The following SCML4 variants were observed in gnomAD, a reference collection of about 807,000 sequenced individuals.
The protein encoded by SCML4 is sex comb on midleg-like protein 4.
Under a neutral mutation model 41.1 loss-of-function variants are expected in SCML4, and 34 were observed. The observed-to-expected ratio is 0.83, with a 90% CI of 0.63 to 1.10. SCML4 has a LOEUF of 1.10. Ranked by LOEUF, SCML4 falls within the 50% of genes least tolerant of loss-of-function variation. The pLI is 0.00. For missense variants in SCML4, 522 were observed against 534.1 expected, an observed-to-expected ratio of 0.98 and a Z score of 0.22; for synonymous variants, 214 against 220.9, an observed-to-expected ratio of 0.97 and a Z score of 0.28.
chr6:107,838,190 G>T, the SCML4 span, among the ~76,000 whole-genome samples: 4 of 152,138 alleles, frequency 2.6e-5, no homozygotes, highest in Admixed American at 1.3e-4. Flanking sequence ...TTACAGGTGT[G>T]AGCCACCACA....
intron 6 of SCML4, among the ~76,000 whole-genome samples, chr6:107,714,933 A>G (rs1427528310): frequency 1.3e-5 from 2 of 148,812 alleles, no homozygotes; most frequent in Admixed American, 1.3e-4. Context: ...ATGGATCCCA[A>G]ACCTCCCAGC....
chr6:107,819,123 G>C (rs983364751), intron 1 of SCML4, among the ~76,000 whole-genome samples: 1 of 152,200 alleles, frequency 6.6e-6, no homozygotes. Context: ...ACAAGAGGGA[G>C]AGTGAAGGTC....
chr6:107,793,425 A>G (rs957583669), intron 1 of SCML4, among the ~76,000 whole-genome samples: 4 of 152,258 alleles, frequency 2.6e-5, no homozygotes, highest in Non-Finnish European at 5.9e-5. Flanking sequence ...GGAAGCGTAC[A>G]GGACAAACAA....
At chr6:107,706,483 A>G (rs1368506610) in intron 7 of SCML4, among the ~76,000 whole-genome samples, 1 of 152,194 alleles carries the variant, frequency 6.6e-6, no homozygotes, top group Non-Finnish European at 1.5e-5. Context: ...AGAATCACCA[A>G]ATAAAATAAG....
At position 107,708,463 on chromosome 6, in the gene SCML4, T is replaced by C. The variant is rs534773309; in HGVS notation, c.974-452A>G. Among the ~76,000 whole-genome samples the C allele has an allele frequency of 2.3e-3, 355 of 152,274 alleles. 1 individual carries two copies. The highest frequency in any genetic ancestry group is 5.7e-3 in the Admixed American group (87 of 15,296). ...CAGTGAGGCCAGTGACTTGGGGTCCTTTCTGCCTCCATGGCCTTCACATTG... is the reference window on the plus strand; with the variant it reads ...CAGTGAGGCCAGTGACTTGGGGTCCCTTCTGCCTCCATGGCCTTCACATTG... On this transcript the variant is annotated intron_variant, in intron 6 of 7. Transcript: ENST00000369020.
chr6:107,798,631 T>C (rs1562268737), intron 1 of SCML4, among the ~76,000 whole-genome samples: 14 of 152,064 alleles, frequency 9.2e-5, no homozygotes, highest in Non-Finnish European at 1.5e-5. Context: ...TCCTTTTTTT[T>C]ACTTTGGACT....
chr6:107,731,436 C>G (rs1347120663), intron 5 of SCML4, among the ~76,000 whole-genome samples: 1 of 152,196 alleles, frequency 6.6e-6, no homozygotes, highest in Non-Finnish European at 1.5e-5. Context: ...GTCTTAGACA[C>G]TATTTGTCAT....
intron 1 of SCML4, among the ~76,000 whole-genome samples, chr6:107,797,772 C>A (rs2139083): frequency 6.6e-6 from 1 of 151,874 alleles, no homozygotes; most frequent in Non-Finnish European, 1.5e-5. Flanking sequence ...CATAGATGCT[C>A]TTTATCAAAT....
intron 1 of SCML4, among the ~76,000 whole-genome samples, chr6:107,781,116 C>T (rs1255016826): frequency 2.0e-5 from 3 of 152,084 alleles, no homozygotes; most frequent in Admixed American, 1.3e-4. Flanking sequence ...CTGTTGAGTA[C>T]TGATATGCAC....
chr6:107,830,590 A>G, the SCML4 span, among the ~76,000 whole-genome samples: 2 of 152,248 alleles, frequency 1.3e-5, no homozygotes. Flanking sequence ...AGGCCGTAGT[A>G]GGAAATTAAC....
upstream of SCML4, among the ~76,000 whole-genome samples, chr6:107,827,970 C>A (rs1218173471): frequency 1.3e-5 from 2 of 152,196 alleles, no homozygotes; most frequent in Non-Finnish European, 2.9e-5. Flanking sequence ...GTCAGTGCTA[C>A]CGCCGAAACA....
intron 5 of SCML4, among the ~76,000 whole-genome samples, chr6:107,726,553 A>G (rs1468579390): frequency 6.6e-6 from 1 of 150,768 alleles, no homozygotes; most frequent in East Asian, 1.9e-4. Flanking sequence ...AAAAAAAAAA[A>G]AAGAATTATT....
intron 1 of SCML4, among the ~76,000 whole-genome samples, chr6:107,785,443 C>T (rs1459578814): frequency 6.6e-6 from 1 of 152,226 alleles, no homozygotes; most frequent in Non-Finnish European, 1.5e-5. Flanking sequence ...AGGCAGAAAG[C>T]CTCCCATCTC....
At chr6:107,770,615 GCCAACCAACCCAA>G (rs1780438436) in intron 2 of SCML4, among the ~76,000 whole-genome samples, 1 of 152,192 alleles carries the variant, frequency 6.6e-6, no homozygotes, top group Non-Finnish European at 1.5e-5. Flanking sequence ...TGTATTATCA[GCCAACCAACCCAA>G]AGATTTCTTC....
At chr6:107,796,506 T>C (rs533079924) in intron 1 of SCML4, among the ~76,000 whole-genome samples, 11 of 152,352 alleles carry the variant, frequency 7.2e-5, no homozygotes, top group Admixed American at 7.2e-4. Context: ...TCTTACATTA[T>C]TGAGCTGTAG....
At chr6:107,767,157 C>T (rs974855789) in intron 2 of SCML4, among the ~76,000 whole-genome samples, 2 of 152,006 alleles carry the variant, frequency 1.3e-5, no homozygotes, top group Non-Finnish European at 2.9e-5. Flanking sequence ...GGGGTTTCAC[C>T]ATGTTGTCCA....
At chr6:107,732,361 G>C (rs551030397) in intron 5 of SCML4, 1 of 152,344 alleles carries the variant, frequency 6.6e-6, no homozygotes, top group South Asian at 2.1e-4. Context: ...GGCCAGTATG[G>C]ATTTTCTCTC....
At chr6:107,777,315 A>G (rs4296915) in intron 1 of SCML4, among the ~76,000 whole-genome samples, 65,402 of 152,044 alleles carry the variant, frequency 0.43, 16,220 homozygotes, top group East Asian at 0.72. Context: ...ACGGGGTTTC[A>G]CCATGTTTGC....
At chr6:107,837,052 C>T in the SCML4 span, among the ~76,000 whole-genome samples, 1 of 152,142 alleles carries the variant, frequency 6.6e-6, no homozygotes, top group East Asian at 1.9e-4. Flanking sequence ...ATTGTATATC[C>T]ATACTGTTCC....
Sources: allele counts gnomAD v4.1 joint callset (sites outside exome capture counted in the v4.1 genomes callset), GRCh38; gene constraint gnomAD v4.1.1; transcripts MANE v1.5; gene names NCBI Gene and HGNC (gene_info 2026-07-23, HGNC 2026-07-21).